The following CFI variants were observed in gnomAD, a reference collection of about 807,000 sequenced individuals.
CFI encodes complement factor I, also known as C3B/C4B inactivator.
In CFI, 66 loss-of-function variants were observed where a neutral mutation model predicts 78.8. The ratio of observed to expected loss-of-function variants is 0.84; its 90% CI spans 0.69 to 1.03. The LOEUF is 1.03. Among genes scored for constraint, CFI ranks in the 50% least tolerant of loss-of-function variants. CFI has a pLI of 0.00. For missense variants in CFI, 706 were observed against 704.5 expected (o/e 1.00, Z -0.02); for synonymous variants, 250 against 232.6 (o/e 1.07, Z -0.68).
intron 4 of CFI, among the ~76,000 whole-genome samples, chr4:109,761,263 T>A (rs1727018302): frequency 6.6e-6 from 1 of 152,204 alleles, no homozygotes. Flanking sequence ...TTAATCCAGA[T>A]GTTCAAATGA....
At chr4:109,745,847 G>A (rs1306128180) in intron 11 of CFI, among the ~76,000 whole-genome samples, 1 of 152,002 alleles carries the variant, frequency 6.6e-6, no homozygotes, top group East Asian at 1.9e-4. Context: ...CTTGGTGAAT[G>A]GCTACCCTTC....
chr4:109,786,323 A>C (rs916387986), intron 1 of CFI, among the ~76,000 whole-genome samples: 2 of 152,074 alleles, frequency 1.3e-5, no homozygotes, highest in African/African-American at 4.8e-5. Flanking sequence ...GAGCCACCAC[A>C]TCCAGCCTAA....
chr4:109,753,659 A>ATAATGTATAATTTTATATTATATATTATC (rs1725680494), intron 7 of CFI, among the ~76,000 whole-genome samples: 2 of 56,572 alleles, frequency 3.5e-5, no homozygotes, highest in Non-Finnish European at 3.2e-5. Context: ...TATATATTAT[A>ATAATGTATAATTTTATATTATATATTATC]TAATGTATAA....
chr4:109,759,842 C>T (rs533513880), intron 6 of CFI, among the ~76,000 whole-genome samples: 1 of 152,212 alleles, frequency 6.6e-6, no homozygotes, highest in Non-Finnish European at 1.5e-5. Context: ...TGCAATGAGC[C>T]AAGATTGTGC....
chr4:109,777,895 C>T (rs1337280349), intron 1 of CFI, among the ~76,000 whole-genome samples: 7 of 152,036 alleles, frequency 4.6e-5, no homozygotes, highest in Admixed American at 2.0e-4. Context: ...GGGTACATAA[C>T]GAAATGAAGG....
chr4:109,759,667 C>G (rs542524942), intron 6 of CFI, among the ~76,000 whole-genome samples: 46 of 152,152 alleles, frequency 3.0e-4, no homozygotes, highest in African/African-American at 1.1e-3. Context: ...CTTTGGGAGG[C>G]CAAGATCATC....
chr4:109,759,249 T>G (rs1252738991), intron 6 of CFI, among the ~76,000 whole-genome samples: 7 of 47,552 alleles, frequency 1.5e-4, no homozygotes, highest in Non-Finnish European at 9.0e-4. Flanking sequence ...CGACTCAGTT[T>G]CTCTAAAAAA....
rs1324695990 is a variant in CFI, at chr4:109,756,888, G to GGAAAGAA, written c.904+868_904+874dup. On this transcript the variant is annotated intron_variant, in intron 7 of 12. Transcript: ENST00000394634. ...CTCCGTCTCGAAAGAAAGAAAGAAA[G>GGAAAGAA]GAAAGAAAGAAAGAAAGAAAGAAAG... Among the ~76,000 whole-genome samples, 119 of 57,882 alleles carry GGAAAGAA rather than the reference G, an allele frequency of 2.1e-3. 3 individuals carry two copies. Among genetic ancestry groups the GGAAAGAA allele is most frequent in the African/African-American group, 8.7e-3 (116 of 13,324 alleles). The allele number at this position is 57,882 out of a possible 152,430, so 38.0% of individuals were successfully genotyped here.
chr4:109,746,616 T>C, intron 10 of CFI, 114 bp from the exon 11 acceptor site: 1 of 864,376 alleles, frequency 1.2e-6, no homozygotes, highest in Non-Finnish European at 1.7e-6. Context: ...TTCCCCAGAA[T>C]TTTGTAAATG....
At chr4:109,768,837 G>A (rs1728195821) in intron 1 of CFI, among the ~76,000 whole-genome samples, 1 of 152,048 alleles carries the variant, frequency 6.6e-6, no homozygotes, top group Non-Finnish European at 1.5e-5. Flanking sequence ...AACCTTGCAA[G>A]GATTGTCAAA....
At chr4:109,752,539 GTTAA>G in intron 7 of CFI, 36 bp from the exon 8 acceptor site, 1 of 1,536,410 alleles carries the variant, frequency 6.5e-7, no homozygotes, top group African/African-American at 1.4e-5. Flanking sequence ...GTTTAAAGTT[GTTAA>G]TTATAGTCAA....
chr4:109,764,410 A>G (rs1277429863), intron 3 of CFI, 127 bp downstream of exon 3: 1 of 1,048,234 alleles, frequency 9.5e-7, no homozygotes, highest in African/African-American at 1.6e-5. Flanking sequence ...TAACAATGCT[A>G]TGATGCACAT....
At chr4:109,797,277 T>C (rs562225588) in intron 1 of CFI, among the ~76,000 whole-genome samples, 91 of 152,274 alleles carry the variant, frequency 6.0e-4, no homozygotes, top group African/African-American at 2.1e-3. Context: ...AAACCATGCA[T>C]AGATAGTCAA....
At chr4:109,753,836 A>T (rs1258830054) in intron 7 of CFI, among the ~76,000 whole-genome samples, 22 of 16,244 alleles carry the variant, frequency 1.4e-3, no homozygotes, top group South Asian at 6.2e-3. Context: ...ATATTATATA[A>T]TGTATAATCT....
At chr4:109,756,888 G>GGAAAGAAAGAAAGAAAGAAAGAAAGAAA (rs561123299) in intron 7 of CFI, among the ~76,000 whole-genome samples, 4 of 57,836 alleles carry the variant, frequency 6.9e-5, no homozygotes, top group Admixed American at 2.3e-4. Context: ...AAGAAAGAAA[G>GGAAAGAAAGAAAGAAAGAAAGAAAGAAA]GAAAGAAAGA....
intron 6 of CFI, 48 bp downstream of exon 6, chr4:109,760,222 T>C (rs1193929731): frequency 1.5e-6 from 2 of 1,320,098 alleles, no homozygotes; most frequent in South Asian, 1.2e-5. Context: ...AGTTTCAGAA[T>C]CCCTGGATTC....
At chr4:109,746,538 A>G (rs757282235) in intron 10 of CFI, 36 bp from the exon 11 acceptor site, 1 of 1,478,310 alleles carries the variant, frequency 6.8e-7, no homozygotes, top group Non-Finnish European at 9.1e-7. Flanking sequence ...AAATATATTG[A>G]GAAAAAATAT....
intron 1 of CFI, among the ~76,000 whole-genome samples, chr4:109,768,410 C>A (rs1004692267): frequency 3.4e-5 from 5 of 147,344 alleles, no homozygotes; most frequent in Non-Finnish European, 6.0e-5. Flanking sequence ...CTTACTGTTA[C>A]ATGATGCAGG....
chr4:109,795,400 A>G (rs975728951), intron 1 of CFI, among the ~76,000 whole-genome samples: 20 of 152,228 alleles, frequency 1.3e-4, no homozygotes, highest in African/African-American at 4.3e-4. Context: ...GTCTGTGAAG[A>G]CTGAAAGAGG....
Sources: allele counts gnomAD v4.1 joint callset (sites outside exome capture counted in the v4.1 genomes callset), GRCh38; gene constraint gnomAD v4.1.1; transcripts MANE v1.5; gene names NCBI Gene and HGNC (gene_info 2026-07-23, HGNC 2026-07-21).